TRIM47: variants seen among roughly 807,000 people sequenced by gnomAD.
TRIM47 encodes the protein tripartite motif containing 47.
TRIM47 carries 46 observed loss-of-function variants against 54.4 expected under a neutral mutation model. The observed-to-expected ratio is 0.84, with a 90% CI of 0.67 to 1.08. TRIM47 has a LOEUF of 1.08. Among genes scored for constraint, TRIM47 ranks in the 50% least tolerant of loss-of-function variants. The probability of loss-of-function intolerance (pLI) is 0.00; values close to 1 mark genes in which losing one functional copy is unlikely to be tolerated. For missense variants in TRIM47, 825 were observed against 910.1 expected (o/e 0.91, Z 1.20); for synonymous variants, 392 against 410.2 (o/e 0.96, Z 0.54).
chr17:75,876,282 CAGCTTCAG>C lies in TRIM47; in HGVS notation c.974_981del (p.Pro325ArgfsTer75). ...TTCACCTGCAGGAAGCTGACTGAGT[CAGCTTCAG>C]GGACCTGGCTGAGATTCTGGCGGGC... On this transcript the variant is annotated frameshift_variant, in exon 3 of 6. Coordinates refer to ENST00000254816, the MANE Select transcript of TRIM47 (RefSeq NM_033452.3). LOFTEE classifies it high-confidence loss of function. 4 of 1,608,224 alleles carry C rather than the reference CAGCTTCAG, an allele frequency of 2.5e-6. No individual in the cohort carries two copies. Among genetic ancestry groups the C allele is most frequent in the Non-Finnish European group, 3.4e-6 (4 of 1,178,898 alleles).
Position 75,878,070 on chromosome 17 carries a change from T to G in TRIM47, c.479A>C (p.Glu160Ala). ...GTGTCCGCGGAGGGCGGGGCTGCGCTCGTGCGGGCCCAGGTGCGCGGGGCA... is the reference window on the plus strand; with the variant it reads ...GTGTCCGCGGAGGGCGGGGCTGCGCGCGTGCGGGCCCAGGTGCGCGGGGCA... ...SFCPAHLGPH[E>A]RSPALRGHRL... The change falls in exon 1 of 6, where the codon GAG (glutamate) becomes GCG (alanine). Residue 160 changes from glutamate (E) to alanine (A), a missense_variant. By Grantham distance (107) the Glu-to-Ala change is moderately radical. Transcript: ENST00000254816. 7.3e-7 allele frequency: 1 copy of G among 1,361,502 alleles called. No individual in the cohort carries two copies. Among genetic ancestry groups the G allele is most frequent in the East Asian group, 3.1e-5 (1 of 32,506 alleles). The allele number at this position is 1,361,502 out of a possible 1,614,324, so 84.3% of individuals were successfully genotyped here.
chr17:75,876,655 C>T (rs759240344), intron 2 of TRIM47, 63 bp downstream of exon 2: 48 of 1,590,064 alleles, frequency 3.0e-5, no homozygotes, highest in Non-Finnish European at 4.1e-5. Context: ...CACTTGTGCT[C>T]AGTAGGTATG....
chr17:75,876,169 C>G, intron 3 of TRIM47, 70 bp from the exon 4 acceptor site: 2 of 1,575,398 alleles, frequency 1.3e-6, no homozygotes, highest in Non-Finnish European at 1.7e-6. Flanking sequence ...GGAGGCAGCT[C>G]TGCCAGGAAG....
rs530712263 is a variant in TRIM47, at chr17:75,876,828, C to T, written c.676-15G>A. The T allele has an allele frequency of 2.9e-5, 46 of 1,613,040 alleles. No homozygotes were observed. In the East Asian group the frequency reaches 7.6e-4, roughly 27 times the overall value. On this transcript the variant is annotated splice_polypyrimidine_tract_variant and intron_variant, in intron 1 of 5. Transcript: ENST00000254816. ...GACTGCTCAGCCTGTGGACAACACC[C>T]TCCATGAGTGTGAGGTCTGGCAGAG... is the stretch of plus-strand genomic sequence containing the variant.
chr17:75,878,133 G>A lies in TRIM47; in HGVS notation c.416C>T (p.Pro139Leu), dbSNP rs1175786332. Residue 139 changes from proline to leucine, a missense_variant, in exon 1 of 6, where the codon CCC becomes CTC. By Grantham distance (98) the Pro-to-Leu change is moderately conservative (BLOSUM62 -3). Transcript: ENST00000254816. ...CDACPEGAAL[P>L]AALSCLSCLA... ...GCAGGAGAGGCAGGACAGCGCGGCG[G>A]GCAGGGCCGCGCCCTCGGGGCACGC... The A allele has an allele frequency of 1.6e-6, 2 of 1,256,750 alleles. No homozygotes were observed. The highest frequency in any genetic ancestry group is 2.0e-6 in the Non-Finnish European group (2 of 1,002,140). The allele number at this position is 1,256,750 out of a possible 1,614,324, so 77.8% of individuals were successfully genotyped here.
intron 3 of TRIM47, 37 bp from the exon 4 acceptor site, chr17:75,876,136 C>T (rs1353932930): frequency 6.3e-7 from 1 of 1,589,970 alleles, no homozygotes; most frequent in Non-Finnish European, 8.5e-7. Context: ...TGCTGCTGGC[C>T]ATGGCTCCTC....
In TRIM47 at chr17:75,876,332, C is replaced by T. The variant is rs2065133747; in HGVS notation, c.932G>A (p.Arg311His). ...QGDLRRQEEQ[R>H]SRLSRARQNL... ...CTGGCGGGCTCGGCTCAGGCGGCTG[C>T]GCTGTTCCTCCTGTCGCCGCAGGTC... The change falls in exon 3 of 6, where the codon CGC becomes CAC. Residue 311 changes from arginine (R) to histidine (H), a missense_variant. Transcript: ENST00000254816. The T allele has an allele frequency of 1.9e-6, 3 of 1,611,354 alleles. No homozygotes were observed. The highest frequency in any genetic ancestry group is 2.2e-5 in the East Asian group (1 of 44,870).
intron 2 of TRIM47, 61 bp from the exon 3 acceptor site, chr17:75,876,553 C>G (rs546317615): frequency 1.7e-5 from 25 of 1,511,580 alleles, no homozygotes; most frequent in South Asian, 7.5e-5. Flanking sequence ...ACTGTACCCC[C>G]CTCCTTCCCT....
chr17:75,876,888 A>AG (rs3833085), intron 1 of TRIM47, 75 bp from the exon 2 acceptor site: 215,765 of 1,387,818 alleles, frequency 0.16, 19,278 homozygotes, highest in African/African-American at 0.37. Context: ...AGGCCTTGCC[A>AG]GGGGAGAGAA....
At chr17:75,877,375 G>C (rs1180649550) in intron 1 of TRIM47, 1 of 165,218 alleles carries the variant, frequency 6.1e-6, no homozygotes, top group Non-Finnish European at 1.3e-5. Context: ...AACTGGGGGC[G>C]GGAGGTAGAG....
Position 75,875,955 on chromosome 17 carries a change from G to T in TRIM47, c.1147C>A (p.Gln383Lys). 6.2e-7 allele frequency: 1 copy of T among 1,610,840 alleles called. No homozygotes were observed. ...LAVACVNQWE[Q>K]LRGPGGNEDG... ...TCGTTGCCACCCGGCCCCCTCAGCTGCTCCCACTGGTTGACGCAGGCCACG... is the reference window on the plus strand; with the variant it reads ...TCGTTGCCACCCGGCCCCCTCAGCTTCTCCCACTGGTTGACGCAGGCCACG... The change falls in exon 4 of 6, where the codon CAG becomes AAG. Residue 383 changes from glutamine to lysine, a missense_variant. Gln to Lys is a moderately conservative substitution (Grantham distance 53). Transcript: ENST00000254816. The surrounding 1 kb of genome is among the most constrained non-coding windows in gnomAD (Gnocchi z 6.1).
In TRIM47 at chr17:75,874,849, G is replaced by A; in HGVS notation, c.1551C>T (p.Ala517=). 6.2e-7 allele frequency: 1 copy of A among 1,614,136 alleles called. No individual in the cohort carries two copies. Among genetic ancestry groups the A allele is most frequent in the Non-Finnish European group, 8.5e-7 (1 of 1,180,020 alleles). ...PYDRGRLGRN[A]HSCCLQWNGR... ...CATTCCACTGCAGGCAGCAGGAGTG[G>A]GCGTTGCGGCCCAGCCGGCCGCGGT... The change falls in exon 6 of 6, where the codon GCC becomes GCT. Residue 517 remains alanine, a synonymous_variant. Transcript: ENST00000254816. This position sits in a 1 kb window ranked among gnomAD's most constrained non-coding sequence, Gnocchi z 6.2.
chr17:75,874,891 G>T lies in TRIM47; in HGVS notation c.1509C>A (p.Ser503=), dbSNP rs2065123678. ...GGCCGCGGTCGTAGGGCTCTTGTGG[G>T]GAGAAGTCTTCGGCCATGACCCCCA... is the stretch of plus-strand genomic sequence containing the variant. ...VSMGVMAEDF[S]PQEPYDRGRL... is the part of the protein sequence containing the mutation. Residue 503 remains serine, a synonymous_variant, in exon 6 of 6, where the codon TCC becomes TCA. Coordinates refer to ENST00000254816, the MANE Select transcript of TRIM47 (RefSeq NM_033452.3). This position sits in a 1 kb window ranked among gnomAD's most constrained non-coding sequence, Gnocchi z 6.2. 6.2e-7 allele frequency: 1 copy of T among 1,614,172 alleles called. No individual in the cohort carries two copies. The highest frequency in any genetic ancestry group is 2.2e-5 in the East Asian group (1 of 44,870).
chr17:75,876,564 G>A, intron 2 of TRIM47, 72 bp from the exon 3 acceptor site: 1 of 1,505,276 alleles, frequency 6.6e-7, no homozygotes, highest in African/African-American at 1.4e-5. Context: ...CTCCTTCCCT[G>A]ACCCCGGCTT....
chr17:75,878,295 G>A lies in TRIM47; in HGVS notation c.254C>T (p.Pro85Leu), dbSNP rs2065148459. 33 of 1,271,976 alleles carry A rather than the reference G, an allele frequency of 2.6e-5. 1 individual carries two copies. The South Asian group carries it at 5.3e-4, about 21-fold the overall frequency. 78.8% of individuals were successfully genotyped at this position (1,271,976 alleles called of 1,614,324 possible). A position where few individuals can be genotyped will look rare whatever the true frequency, so the allele number is the denominator to read the frequency against. ...AGGGGCCGGGCCGGGGCCGGACCCG[G>A]GGCCCGAGCCCTGGCGGAGCTGCAG... ...ELLQLRQGSG[P>L]GSGPGPAPAL... The change falls in exon 1 of 6, where the codon CCC becomes CTC. Residue 85 changes from proline to leucine, a missense_variant. Physicochemically the swap from Pro to Leu is moderately conservative, Grantham distance 98. Transcript: ENST00000254816.
chr17:75,877,517 A>T, intron 1 of TRIM47: 1 of 381,460 alleles, frequency 2.6e-6, no homozygotes, highest in Non-Finnish European at 4.1e-6. Context: ...CCCAGGGCAA[A>T]TCTGAGCTGA....
rs923611048 is a variant in TRIM47 at position 75,877,698 on chromosome 17, C to T, written c.675+176G>A. The T allele has an allele frequency of 5.7e-6, 7 of 1,235,498 alleles. No homozygotes were observed. The South Asian group carries it at 1.1e-4, about 20-fold the overall frequency. 76.5% of individuals were successfully genotyped at this position (1,235,498 alleles called of 1,614,324 possible). ...ACGTCCCTCCTTCCTCCCTTCCCAT[C>T]TCCATCACCGCCAGCAGATGACCTT... is the stretch of plus-strand genomic sequence containing the variant. On this transcript the variant is annotated intron_variant, in intron 1 of 5. Transcript: ENST00000254816.
Position 75,878,270 on chromosome 17 carries a change from A to G in TRIM47, c.279T>C (p.Pro93=). The G allele has an allele frequency of 1.6e-6, 2 of 1,254,290 alleles. No homozygotes were observed. The highest frequency in any genetic ancestry group is 2.0e-6 in the Non-Finnish European group (2 of 999,130). 77.7% of individuals were successfully genotyped at this position (1,254,290 alleles called of 1,614,324 possible). A position where few individuals can be genotyped will look rare whatever the true frequency, so the allele number is the denominator to read the frequency against. ...SGPGSGPGPA[P]ALAPEPSAPS... ...GTGCCGAGGGCTCCGGGGCCAGGGC[A>G]GGGGCCGGGCCGGGGCCGGACCCGG... is the stretch of plus-strand genomic sequence containing the variant. Residue 93 remains proline, a synonymous_variant, in exon 1 of 6, where the codon CCT becomes CCC. Transcript: ENST00000254816.
At position 75,874,706 on chromosome 17, in the gene TRIM47, C is replaced by T. The variant is rs372485306; in HGVS notation, c.1694G>A (p.Arg565Gln). The T allele has an allele frequency of 1.5e-5, 25 of 1,613,682 alleles. No individual in the cohort carries two copies. The highest frequency in any genetic ancestry group is 1.3e-4 in the Admixed American group (8 of 59,982). Reference sequence around the variant, plus strand: ...CCGCAGGAGGCTCATCTTGCCGTCCCGTACAGCATAGAAGGCCAAGGCACG... The same window carrying T: ...CCGCAGGAGGCTCATCTTGCCGTCCTGTACAGCATAGAAGGCCAAGGCACG... The part of the protein sequence containing the change: ...ADRALAFYAV[R>Q]DGKMSLLRRL... The change falls in exon 6 of 6, where the codon CGG (arginine) becomes CAG (glutamine). Residue 565 changes from arginine (R) to glutamine (Q), a missense_variant. Coordinates refer to ENST00000254816, the MANE Select transcript of TRIM47 (RefSeq NM_033452.3). This position sits in a 1 kb window ranked among gnomAD's most constrained non-coding sequence, Gnocchi z 6.2.
Sources: gnomAD v4.1 joint callset for allele counts on GRCh38, gnomAD v4.1.1 for gene constraint, Gnocchi (gnomAD v3.1) non-coding constraint, MANE v1.5 for transcripts, NCBI Gene and HGNC (gene_info 2026-07-23, HGNC 2026-07-21) for gene names.